Variants in KCNH8 observed in about 807,000 individuals in gnomAD.
KCNH8 encodes potassium voltage-gated channel subfamily H member 8.
In KCNH8, 70 loss-of-function variants were observed where a neutral mutation model predicts 103.6. The observed-to-expected ratio is 0.68, with a 90% CI of 0.56 to 0.82. KCNH8 has a LOEUF of 0.82. KCNH8 is among the 40% of genes least tolerant of loss of function. KCNH8 has a pLI of 0.00. For synonymous variants in KCNH8, 498 were observed against 489.4 expected (o/e 1.02, Z -0.23); for missense variants, 1,217 against 1,329.9 (o/e 0.92, Z 1.32).
intron 7 of KCNH8, among the ~76,000 whole-genome samples, chr3:19,430,158 GC>G (rs1406870091): frequency 2.0e-5 from 3 of 152,192 alleles, no homozygotes; most frequent in Non-Finnish European, 4.4e-5. Context: ...GTGTAAGGAA[GC>G]GGTACCATTT....
At chr3:19,443,234 C>A (rs558529591) in intron 8 of KCNH8, among the ~76,000 whole-genome samples, 1 of 151,416 alleles carries the variant, frequency 6.6e-6, no homozygotes, top group African/African-American at 2.4e-5. Flanking sequence ...AGGGGACTGG[C>A]AAAACTCCAG....
chr3:19,278,521 C>G (rs375025601), intron 2 of KCNH8, among the ~76,000 whole-genome samples: 3,208 of 83,652 alleles, frequency 0.038, 114 homozygotes, highest in African/African-American at 0.12. Context: ...AGGGAAGGAA[C>G]AAAGGAAGGA....
chr3:19,197,023 G>T (rs1228503127), intron 1 of KCNH8, among the ~76,000 whole-genome samples: 1 of 151,936 alleles, frequency 6.6e-6, no homozygotes, highest in Non-Finnish European at 1.5e-5. Flanking sequence ...TAAAACAGGG[G>T]TCCTATTACT....
At chr3:19,375,363 C>T (rs1441170959) in intron 5 of KCNH8, among the ~76,000 whole-genome samples, 2 of 150,570 alleles carry the variant, frequency 1.3e-5, no homozygotes, top group Non-Finnish European at 3.0e-5. Context: ...ATTTCATCTT[C>T]CATTGCTGAT....
At chr3:19,169,768 G>A in intron 1 of KCNH8, among the ~76,000 whole-genome samples, 1 of 152,142 alleles carries the variant, frequency 6.6e-6, no homozygotes, top group East Asian at 1.9e-4. Flanking sequence ...AACCTAGCAC[G>A]TAATTGTCCC....
intron 5 of KCNH8, among the ~76,000 whole-genome samples, chr3:19,366,412 C>T (rs1435278877): frequency 6.6e-6 from 1 of 152,006 alleles, no homozygotes; most frequent in Non-Finnish European, 1.5e-5. Flanking sequence ...GAGAATGATT[C>T]TGCCTTATGA....
chr3:19,387,600 T>C (rs185465822), intron 5 of KCNH8, among the ~76,000 whole-genome samples: 61 of 152,222 alleles, frequency 4.0e-4, no homozygotes, highest in African/African-American at 1.4e-3. Context: ...ATAATATTGA[T>C]TGGATAAACA....
rs2064923291 is a variant in KCNH8, at chr3:19,291,401, T to A, written c.442+10072T>A. The stretch of plus-strand genomic sequence containing the variant: ...CATTTAGTGCTATAAATTTCCCTCT[T>A]CACACTGCTTTGAATGTGTCCCAAA... On this transcript the variant is annotated intron_variant, in intron 3 of 15. Coordinates refer to ENST00000328405, the MANE Select transcript of KCNH8 (RefSeq NM_144633.3). Among the ~76,000 whole-genome samples, 3 of 152,090 alleles carry A rather than the reference T, an allele frequency of 2.0e-5. 1 individual carries two copies. Among genetic ancestry groups the A allele is most frequent in the South Asian group, 4.1e-4 (2 of 4,828 alleles).
intron 12 of KCNH8, among the ~76,000 whole-genome samples, chr3:19,511,152 A>AC (rs1223760702): frequency 5.5e-5 from 4 of 73,380 alleles, no homozygotes; most frequent in Admixed American, 4.1e-4. Context: ...CTAGCCCCCC[A>AC]CCCCCCACAG....
rs186761717 is a variant in KCNH8, at chr3:19,376,524, G to T, written c.812-13957G>T. On this transcript the variant is annotated intron_variant, in intron 5 of 15. Coordinates refer to ENST00000328405, the MANE Select transcript of KCNH8 (RefSeq NM_144633.3). ...GGCACTCCCAAGTGAGATGAACCCGGTACCTCAGATGGAAATGCAGAAATC... is the reference window on the plus strand; with the variant it reads ...GGCACTCCCAAGTGAGATGAACCCGTTACCTCAGATGGAAATGCAGAAATC... Among the ~76,000 whole-genome samples, 213 of 152,244 alleles carry T rather than the reference G, an allele frequency of 1.4e-3. 2 individuals are homozygous for T. Among genetic ancestry groups the T allele is most frequent in the African/African-American group, 5.1e-3 (210 of 41,568 alleles).
chr3:19,208,622 C>T (rs77091612), intron 1 of KCNH8, among the ~76,000 whole-genome samples: 6,171 of 151,880 alleles, frequency 0.041, 438 homozygotes, highest in African/African-American at 0.14. Flanking sequence ...TTTCCAAGCC[C>T]ATTGGTGAGA....
At chr3:19,250,336 T>A (rs536129980) in intron 1 of KCNH8, among the ~76,000 whole-genome samples, 1 of 152,284 alleles carries the variant, frequency 6.6e-6, no homozygotes, top group East Asian at 1.9e-4. Flanking sequence ...CAATGTAATA[T>A]ACTTATAATA....
intron 11 of KCNH8, among the ~76,000 whole-genome samples, chr3:19,486,069 A>G (rs1224949408): frequency 1.3e-5 from 2 of 152,220 alleles, no homozygotes; most frequent in Non-Finnish European, 2.9e-5. Context: ...GGCTTCAATG[A>G]CAGCATCCAA....
intron 3 of KCNH8, among the ~76,000 whole-genome samples, chr3:19,297,161 T>G (rs1353486387): frequency 1.3e-5 from 2 of 152,124 alleles, no homozygotes; most frequent in Non-Finnish European, 2.9e-5. Flanking sequence ...AAAAAAATAC[T>G]GAGATACCCA....
chr3:19,215,130 T>C (rs2063806194), intron 1 of KCNH8, among the ~76,000 whole-genome samples: 1 of 152,176 alleles, frequency 6.6e-6, no homozygotes, highest in African/African-American at 2.4e-5. Flanking sequence ...TTGAAGTGAG[T>C]CTGCATGTCT....
Position 19,513,101 on chromosome 3 carries a change from G to C in KCNH8, c.2211G>C (p.Ser737=), listed in dbSNP as rs115216381. 3.7e-6 allele frequency: 6 copies of C among 1,613,652 alleles called. No individual in the cohort carries two copies. In the Admixed American group the frequency reaches 6.7e-5, roughly 18 times the overall value. ...LSPICTRGSS[S]RNKKVGSNKA... ...CCATCTGCACAAGGGGATCTTCTTCGCGCAACAAGAAGGTTGGAAGCAATA... is the reference window on the plus strand; with the variant it reads ...CCATCTGCACAAGGGGATCTTCTTCCCGCAACAAGAAGGTTGGAAGCAATA... The change falls in exon 13 of 16, where the codon TCG becomes TCC. Residue 737 remains serine (S), a synonymous_variant. Transcript: ENST00000328405.
At chr3:19,255,976 C>G (rs887066660) in intron 2 of KCNH8, among the ~76,000 whole-genome samples, 25 of 152,114 alleles carry the variant, frequency 1.6e-4, no homozygotes, top group Non-Finnish European at 2.9e-5. Flanking sequence ...TGTTGCATTT[C>G]TGTCTTGTTT....
At chr3:19,166,493 A>C (rs1005915467) in intron 1 of KCNH8, among the ~76,000 whole-genome samples, 10 of 152,220 alleles carry the variant, frequency 6.6e-5, no homozygotes, top group African/African-American at 2.4e-4. Context: ...TGATCAGTGT[A>C]TGCTTTGTCC....
At chr3:19,281,350 A>T (rs2064755097) in intron 3 of KCNH8, 21 bp downstream of exon 3, 1 of 1,570,156 alleles carries the variant, frequency 6.4e-7, no homozygotes, top group Non-Finnish European at 8.6e-7. Context: ...TTTTCAGAAA[A>T]CATTGACAGA....
Sources: gnomAD v4.1 joint callset for allele counts (sites outside exome capture counted in the v4.1 genomes callset) on GRCh38, gnomAD v4.1.1 for gene constraint, MANE v1.5 for transcripts, NCBI Gene and HGNC (gene_info 2026-07-23, HGNC 2026-07-21) for gene names.